The following ATP2C1 variants were observed in gnomAD, a reference collection of about 807,000 sequenced individuals.
The protein encoded by ATP2C1 is ATPase secretory pathway Ca2+ transporting 1, also known as calcium-transporting ATPase type 2C member 1.
A neutral mutation model predicts 120.5 loss-of-function variants in ATP2C1; 31 were observed. The ratio of observed to expected loss-of-function variants is 0.26; its 90% confidence interval spans 0.19 to 0.35. The LOEUF (loss-of-function observed/expected upper bound fraction) is 0.35. Among genes scored for constraint, ATP2C1 ranks in the 10% least tolerant of loss-of-function variants. The pLI, the probability that ATP2C1 is intolerant of heterozygous loss-of-function variation, is 1.00. For missense variants in ATP2C1, 731 were observed against 1,107.5 expected, an observed-to-expected ratio of 0.66 and a Z score of 4.83; for synonymous variants, 351 against 358.7, an observed-to-expected ratio of 0.98 and a Z score of 0.24.
intron 20 of ATP2C1, among the ~76,000 whole-genome samples, chr3:130,988,875 G>A (rs116759846): frequency 0.014 from 2,092 of 152,236 alleles, 29 homozygotes; most frequent in East Asian, 0.074. Flanking sequence ...TCTCTGATTG[G>A]TCACAGGCTA....
At chr3:131,009,993 G>A (rs1267444588) in intron 26 of ATP2C1, among the ~76,000 whole-genome samples, 1 of 152,060 alleles carries the variant, frequency 6.6e-6, no homozygotes, top group Non-Finnish European at 1.5e-5. Context: ...GTGCTGCTCA[G>A]GTAAATGGTA....
chr3:130,857,001 G>A (rs2067863221), intron 1 of ATP2C1, among the ~76,000 whole-genome samples: 1 of 152,180 alleles, frequency 6.6e-6, no homozygotes, highest in African/African-American at 2.4e-5. Flanking sequence ...AGGACAGAGA[G>A]TCTATGCCAC....
chr3:130,875,075 A>G (rs1420050575), intron 1 of ATP2C1, among the ~76,000 whole-genome samples: 2 of 152,228 alleles, frequency 1.3e-5, no homozygotes, highest in Non-Finnish European at 2.9e-5. Context: ...ATCATCAAGT[A>G]AGGGCAATTA....
intron 20 of ATP2C1, among the ~76,000 whole-genome samples, chr3:130,990,269 G>A (rs2062257314): frequency 1.4e-5 from 1 of 73,772 alleles, no homozygotes; most frequent in South Asian, 6.8e-4. Flanking sequence ...GTGCTTAAGA[G>A]CAACCCCCCC....
intron 17 of ATP2C1, among the ~76,000 whole-genome samples, chr3:130,971,265 T>C (rs1298505824): frequency 1.3e-5 from 2 of 152,326 alleles, no homozygotes; most frequent in Non-Finnish European, 1.5e-5. Context: ...AAGTTTTACA[T>C]TGGAAGATTA....
At chr3:130,919,550 C>T (rs1342151811) in intron 2 of ATP2C1, among the ~76,000 whole-genome samples, 2 of 152,108 alleles carry the variant, frequency 1.3e-5, no homozygotes, top group South Asian at 2.1e-4. Flanking sequence ...ACATAGTATT[C>T]CATTGTACAT....
At chr3:130,889,026 A>G (rs2069075715) in intron 1 of ATP2C1, among the ~76,000 whole-genome samples, 1 of 152,260 alleles carries the variant, frequency 6.6e-6, no homozygotes, top group African/African-American at 2.4e-5. Flanking sequence ...GTAATTATTT[A>G]CCCAATTATT....
At chr3:130,947,037 TG>T (rs1280814124) in intron 8 of ATP2C1, among the ~76,000 whole-genome samples, 1 of 152,202 alleles carries the variant, frequency 6.6e-6, no homozygotes, top group African/African-American at 2.4e-5. Flanking sequence ...GCTCATGAAA[TG>T]AATTGACCAT....
intron 8 of ATP2C1, among the ~76,000 whole-genome samples, chr3:130,951,440 A>G (rs1392388405): frequency 1.3e-5 from 2 of 152,152 alleles, no homozygotes; most frequent in Non-Finnish European, 2.9e-5. Context: ...TTTAGCATAG[A>G]TATGTAGCAT....
At chr3:130,886,099 C>T (rs954828775) in intron 1 of ATP2C1, among the ~76,000 whole-genome samples, 2 of 152,136 alleles carry the variant, frequency 1.3e-5, no homozygotes, top group East Asian at 3.8e-4. Context: ...ATATTTTCAC[C>T]AGATATACTA....
chr3:130,962,435 A>G (rs1377026991), intron 12 of ATP2C1, among the ~76,000 whole-genome samples: 1 of 151,954 alleles, frequency 6.6e-6, no homozygotes, highest in Non-Finnish European at 1.5e-5. Context: ...TTGAAATCTG[A>G]AATCAATATT....
chr3:130,922,173 C>T (rs2059000544), intron 2 of ATP2C1, among the ~76,000 whole-genome samples: 1 of 152,084 alleles, frequency 6.6e-6, no homozygotes, highest in African/African-American at 2.4e-5. Context: ...CTGTATCTTC[C>T]TGATTTAATC....
Position 130,938,701 on chromosome 3 carries a change from A to G in ATP2C1, c.360+1238A>G, listed in dbSNP as rs2059774219. 2.0e-5 allele frequency among the ~76,000 whole-genome samples: 3 copies of G among 152,358 alleles called. No homozygotes were observed. In the South Asian group the frequency reaches 6.2e-4, roughly 32 times the overall value. ...GTCATGTCAGGCTAACCATTATTCAAGGCAGCTATTCATTCAGCCAAGTGA... is the reference window on the plus strand; with the variant it reads ...GTCATGTCAGGCTAACCATTATTCAGGGCAGCTATTCATTCAGCCAAGTGA... On this transcript the variant is annotated intron_variant, in intron 6 of 27. Coordinates refer to ENST00000510168, the MANE Select transcript of ATP2C1 (RefSeq NM_001378687.1).
intron 1 of ATP2C1, among the ~76,000 whole-genome samples, chr3:130,877,381 T>C (rs1416858741): frequency 6.6e-6 from 1 of 152,188 alleles, no homozygotes; most frequent in East Asian, 1.9e-4. Context: ...ATTTTTACAA[T>C]CTACCCATCT....
At chr3:130,967,462 C>T (rs2061098041) in intron 16 of ATP2C1, 43 bp downstream of exon 16, 4 of 1,491,932 alleles carry the variant, frequency 2.7e-6, no homozygotes, top group Non-Finnish European at 3.7e-6. Context: ...GAGACACTGC[C>T]CTCACAACAG....
At chr3:130,976,919 A>G (rs77002148) in intron 18 of ATP2C1, among the ~76,000 whole-genome samples, 4,091 of 152,278 alleles carry the variant, frequency 0.027, 190 homozygotes, top group African/African-American at 0.093. Flanking sequence ...GCCCTCGTAC[A>G]TTGTACCGTC....
In ATP2C1 at chr3:130,865,034, G is replaced by A. The variant is rs945340651; in HGVS notation, c.108+14106G>A. On this transcript the variant is annotated intron_variant, in intron 1 of 26. Transcript: ENST00000504381. ...CTTGCACCGTGCTCCTAGAAAAGCC[G>A]CAGACACTCAACGTCAGCCCATGAA... Among the ~76,000 whole-genome samples the A allele has an allele frequency of 1.3e-4, 20 of 152,072 alleles. No individual in the cohort carries two copies. In the East Asian group the frequency reaches 2.5e-3, roughly 19 times the overall value.
chr3:130,936,077 A>T (rs1188547075), intron 5 of ATP2C1, among the ~76,000 whole-genome samples: 1 of 152,210 alleles, frequency 6.6e-6, no homozygotes, highest in Non-Finnish European at 1.5e-5. Flanking sequence ...GTTGCTAATG[A>T]TAAAATTCAG....
chr3:130,972,318 C>G (rs1052265165), intron 17 of ATP2C1, among the ~76,000 whole-genome samples: 1 of 152,072 alleles, frequency 6.6e-6, no homozygotes, highest in Non-Finnish European at 1.5e-5. Context: ...TTGGGGAGCC[C>G]TGTCATAAGG....
Sources: gnomAD v4.1 joint callset for allele counts (sites outside exome capture counted in the v4.1 genomes callset) on GRCh38, gnomAD v4.1.1 for gene constraint, MANE v1.5 for transcripts, NCBI Gene and HGNC (gene_info 2026-07-23, HGNC 2026-07-21) for gene names.